ZC3H12B: variants seen among roughly 807,000 people sequenced by gnomAD.
ZC3H12B encodes zinc finger CCCH-type containing 12B.
A neutral mutation model predicts 43.9 loss-of-function variants in ZC3H12B; 7 were observed. The observed-to-expected ratio is 0.16, with a 90% CI of 0.09 to 0.30. The LOEUF (loss-of-function observed/expected upper bound fraction) is 0.30, where lower values mean the gene tolerates loss of function less well. Among genes scored for constraint, ZC3H12B ranks in the 10% least tolerant of loss-of-function variants. The probability of loss-of-function intolerance (pLI) is 1.00; values close to 1 mark genes in which losing one functional copy is unlikely to be tolerated. For missense variants in ZC3H12B, 475 were observed against 670.2 expected (o/e 0.71, Z 3.22); for synonymous variants, 222 against 241.7 (o/e 0.92, Z 0.76).
chrX:65,401,208 G>T (rs1019865522), intron 3 of ZC3H12B, among the ~76,000 whole-genome samples: 1 of 111,286 alleles, frequency 9.0e-6, no homozygotes, highest in African/African-American at 3.3e-5. Context: ...AATCTCAAAT[G>T]CCACCCCTTC....
chrX:65,456,773 G>A (rs1444061479), intron 3 of ZC3H12B, among the ~76,000 whole-genome samples: 1 of 108,847 alleles, frequency 9.2e-6, no homozygotes, highest in Admixed American at 9.7e-5. Context: ...GAGTGCAGTG[G>A]CGTGATCTCG....
At chrX:65,062,932 G>A in the ZC3H12B span, among the ~76,000 whole-genome samples, 1 of 111,368 alleles carries the variant, frequency 9.0e-6, no homozygotes, top group East Asian at 2.8e-4. Context: ...ATTCTGAATG[G>A]GAATTCACTT....
the ZC3H12B span, among the ~76,000 whole-genome samples, chrX:65,183,754 C>T: frequency 9.0e-6 from 1 of 111,314 alleles, no homozygotes; most frequent in African/African-American, 3.3e-5. Flanking sequence ...AGGTACTTAT[C>T]CCTATTGTTC....
the ZC3H12B span, among the ~76,000 whole-genome samples, chrX:65,285,351 G>A: frequency 3.6e-5 from 4 of 110,262 alleles, no homozygotes; most frequent in Non-Finnish European, 7.6e-5. Context: ...ATTCAGATAC[G>A]GGAGCCTCAG....
the ZC3H12B span, among the ~76,000 whole-genome samples, chrX:65,205,946 G>C: frequency 9.0e-6 from 1 of 111,401 alleles, no homozygotes; most frequent in African/African-American, 3.3e-5. Context: ...AAAATACTTA[G>C]GAATATACCT....
the ZC3H12B span, among the ~76,000 whole-genome samples, chrX:65,269,672 TC>T: frequency 9.1e-6 from 1 of 109,484 alleles, no homozygotes; most frequent in Non-Finnish European, 1.9e-5. Context: ...GCTTTTTTTT[TC>T]TTCTTTTGTA....
chrX:65,311,275 A>G, the ZC3H12B span, among the ~76,000 whole-genome samples: 4 of 112,294 alleles, frequency 3.6e-5, no homozygotes, highest in Non-Finnish European at 1.9e-5. Flanking sequence ...TCCAGAATCT[A>G]AAAAGAACTT....
At chrX:65,069,502 A>G in the ZC3H12B span, among the ~76,000 whole-genome samples, 2 of 109,574 alleles carry the variant, frequency 1.8e-5, no homozygotes, top group South Asian at 3.9e-4. Flanking sequence ...AATTATTTCA[A>G]TCTCTATTAA....
chrX:65,159,504 A>T, the ZC3H12B span, among the ~76,000 whole-genome samples: 1 of 111,363 alleles, frequency 9.0e-6, no homozygotes, highest in Non-Finnish European at 1.9e-5. Context: ...TTGGATTCCT[A>T]GGTATTTTAT....
At chrX:65,471,271 C>CT (rs1044667698) in intron 3 of ZC3H12B, among the ~76,000 whole-genome samples, 1 of 109,283 alleles carries the variant, frequency 9.2e-6, no homozygotes, top group Non-Finnish European at 1.9e-5. Flanking sequence ...CCTTCTTTGT[C>CT]TTTTTTTTAA....
intron 2 of ZC3H12B, among the ~76,000 whole-genome samples, chrX:65,392,345 T>A (rs2066631005): frequency 1.8e-5 from 2 of 109,870 alleles, no homozygotes; most frequent in African/African-American, 6.6e-5. Flanking sequence ...GCCGCCCATC[T>A]TCTGGGATGT....
chrX:65,107,537 G>A, the ZC3H12B span, among the ~76,000 whole-genome samples: 2 of 110,855 alleles, frequency 1.8e-5, no homozygotes, highest in Admixed American at 9.6e-5. Flanking sequence ...GATATACCTC[G>A]ATATGGTTTA....
chrX:65,228,349 ACT>A, the ZC3H12B span, among the ~76,000 whole-genome samples: 1 of 111,573 alleles, frequency 9.0e-6, no homozygotes, highest in Non-Finnish European at 1.9e-5. Context: ...CATACTAAAA[ACT>A]CTCAATAAAT....
At chrX:65,332,070 G>A in the ZC3H12B span, among the ~76,000 whole-genome samples, 1 of 110,789 alleles carries the variant, frequency 9.0e-6, no homozygotes, top group Non-Finnish European at 1.9e-5. Flanking sequence ...TGGGAATGCA[G>A]CCCAGTAGGT....
chrX:65,179,060 A>G, the ZC3H12B span, among the ~76,000 whole-genome samples: 1 of 112,050 alleles, frequency 8.9e-6, no homozygotes, highest in East Asian at 2.8e-4. Flanking sequence ...CATATACACC[A>G]TGGAATACTA....
At chrX:65,091,390 G>C in the ZC3H12B span, among the ~76,000 whole-genome samples, 1 of 112,194 alleles carries the variant, frequency 8.9e-6, no homozygotes, top group Non-Finnish European at 1.9e-5. Context: ...CTGACTTCCA[G>C]AACAGCAGGA....
chrX:65,100,485 C>G, the ZC3H12B span, among the ~76,000 whole-genome samples: 3 of 95,801 alleles, frequency 3.1e-5, no homozygotes, highest in African/African-American at 1.2e-4. Flanking sequence ...GTGCTGTATT[C>G]AGGAGACCCA....
chrX:65,472,892 TTG>T (rs1401065695), intron 3 of ZC3H12B, among the ~76,000 whole-genome samples: 5 of 87,785 alleles, frequency 5.7e-5, no homozygotes, highest in Non-Finnish European at 8.8e-5. Flanking sequence ...ATATATATGT[TTG>T]TGTATATATA....
the ZC3H12B span, among the ~76,000 whole-genome samples, chrX:65,071,849 T>G: frequency 3.6e-5 from 4 of 111,982 alleles, no homozygotes; most frequent in African/African-American, 1.3e-4. Flanking sequence ...TCTATTTGTA[T>G]GTGACCTGAC....
Sources: allele counts gnomAD v4.1 joint callset (sites outside exome capture counted in the v4.1 genomes callset), GRCh38; gene constraint gnomAD v4.1.1; transcripts MANE v1.5; gene names NCBI Gene and HGNC (gene_info 2026-07-23, HGNC 2026-07-21).